NCBP3: variants seen among roughly 807,000 people sequenced by gnomAD.
NCBP3 encodes nuclear cap binding subunit 3.
NCBP3 carries 20 observed loss-of-function variants against 75.7 expected under a neutral mutation model. The observed-to-expected ratio is 0.26, with a 90% CI of 0.19 to 0.38. The LOEUF (loss-of-function observed/expected upper bound fraction) is 0.38, where lower values mean the gene tolerates loss of function less well. Ranked by LOEUF, NCBP3 falls within the 10% of genes least tolerant of loss-of-function variation. NCBP3 has a pLI of 1.00. For synonymous variants in NCBP3, 293 were observed against 290.5 expected (o/e 1.01, Z -0.09); for missense variants, 678 against 796.9 (o/e 0.85, Z 1.80).
chr17:3,846,107 G>C lies in NCBP3; in HGVS notation c.117C>G (p.Pro39=). The C allele has an allele frequency of 6.5e-7, 1 of 1,548,776 alleles. No individual in the cohort carries two copies. The highest frequency in any genetic ancestry group is 1.2e-5 in the South Asian group (1 of 84,016). ...ESGVDRGEPE[P]MEVEEGELEI... is the part of the protein sequence containing the mutation. ...CCAGCTCGCCCTCCTCCACCTCCAT[G>C]GGCTCCGGCTCGCCACGGTCAACAC... Residue 39 remains proline, a synonymous_variant, in exon 1 of 13, where the codon CCC becomes CCG. Coordinates refer to ENST00000389005, the MANE Select transcript of NCBP3 (RefSeq NM_001114118.3). This position sits in a 1 kb window ranked among gnomAD's most constrained non-coding sequence, Gnocchi z 4.6.
chr17:3,810,496 C>T lies in NCBP3; in HGVS notation c.*2548G>A, dbSNP rs2053392320. 1.3e-5 allele frequency: 2 copies of T among 152,210 alleles called. No homozygotes were observed. Among genetic ancestry groups the T allele is most frequent in the Non-Finnish European group, 2.9e-5 (2 of 68,044 alleles). 9.4% of individuals were successfully genotyped at this position (152,210 alleles called of 1,614,324 possible). On this transcript the variant is annotated 3_prime_UTR_variant, in exon 13 of 13. Coordinates refer to ENST00000389005, the MANE Select transcript of NCBP3 (RefSeq NM_001114118.3). ...ACACACAAAGTGTGCAGCCCTGTGCCCACATGTGTGGGGAGTGTCCAGGGT... is the reference window on the plus strand; with the variant it reads ...ACACACAAAGTGTGCAGCCCTGTGCTCACATGTGTGGGGAGTGTCCAGGGT...
rs1293083800 is a variant in NCBP3, at chr17:3,832,485, G to T, written c.356-3117C>A. 3.4e-5 allele frequency among the ~76,000 whole-genome samples: 4 copies of T among 118,172 alleles called. 2 individuals are homozygous for T. The highest frequency in any genetic ancestry group is 8.1e-5 in the Non-Finnish European group (4 of 49,138). 77.5% of individuals were successfully genotyped at this position (118,172 alleles called of 152,430 possible). ...CTCTACTAAAAATACAAAACAATTA[G>T]CCAGGTGTGGTGGCAGGCACCTGTA... On this transcript the variant is annotated intron_variant, in intron 3 of 12. Coordinates refer to ENST00000389005, the MANE Select transcript of NCBP3 (RefSeq NM_001114118.3).
At position 3,812,055 on chromosome 17, in the gene NCBP3, T is replaced by C. The variant is rs1281777162; in HGVS notation, c.*989A>G. On this transcript the variant is annotated 3_prime_UTR_variant, in exon 13 of 13. Transcript: ENST00000389005. ...CAGATGGATGGATTTTTTTTCCTAC[T>C]GGAGCCAAAAAACAAGCTGAACTCT... The C allele has an allele frequency of 1.3e-5, 2 of 152,104 alleles. No individual in the cohort carries two copies. Among genetic ancestry groups the C allele is most frequent in the East Asian group, 3.8e-4 (2 of 5,196 alleles). The allele number at this position is 152,104 out of a possible 1,614,324, so 9.4% of individuals were successfully genotyped here. A position where few individuals can be genotyped will look rare whatever the true frequency, so the allele number is the denominator to read the frequency against.
At position 3,834,680 on chromosome 17, in the gene NCBP3, C is replaced by T. The variant is rs1183297170; in HGVS notation, c.356-5312G>A. On this transcript the variant is annotated intron_variant, in intron 3 of 12. Coordinates refer to ENST00000389005, the MANE Select transcript of NCBP3 (RefSeq NM_001114118.3). ...ATCCCAGTACTTTGGGAAGCTAAGG[C>T]GGGAGGATCACTTGAATCCAGAAGT... Among the ~76,000 whole-genome samples the T allele has an allele frequency of 5.9e-5, 9 of 152,068 alleles. No individual in the cohort carries two copies. The East Asian group carries it at 7.7e-4, about 13-fold the overall frequency.
At chr17:3,832,011 C>T (rs1469758354) in intron 3 of NCBP3, among the ~76,000 whole-genome samples, 1 of 119,126 alleles carries the variant, frequency 8.4e-6, no homozygotes, top group Non-Finnish European at 2.0e-5. Flanking sequence ...TGATGAAACC[C>T]TGTCTCTACT....
intron 3 of NCBP3, among the ~76,000 whole-genome samples, chr17:3,837,497 A>T (rs1044604541): frequency 2.0e-5 from 3 of 150,472 alleles, no homozygotes; most frequent in Non-Finnish European, 3.0e-5. Context: ...AGGAAAAAAA[A>T]AATGCTGGGC....
intron 12 of NCBP3, among the ~76,000 whole-genome samples, 155 bp from the exon 13 acceptor site, chr17:3,813,434 C>T (rs888568548): frequency 6.6e-6 from 1 of 152,238 alleles, no homozygotes; most frequent in Non-Finnish European, 1.5e-5. Flanking sequence ...GGCAAAATCT[C>T]ATTTCCCGGG....
At chr17:3,824,555 C>G (rs2053748402) in intron 7 of NCBP3, 1 of 163,356 alleles carries the variant, frequency 6.1e-6, no homozygotes. Context: ...CAAAAGTCAC[C>G]ATGTGTAAAC....
intron 11 of NCBP3, among the ~76,000 whole-genome samples, 171 bp downstream of exon 11, chr17:3,815,945 G>C (rs565976773): frequency 6.6e-6 from 1 of 152,274 alleles, no homozygotes; most frequent in East Asian, 1.9e-4. Flanking sequence ...TCAGAAGTCT[G>C]ATTATTTTTC....
intron 11 of NCBP3, among the ~76,000 whole-genome samples, chr17:3,815,561 C>A (rs2053514486): frequency 6.6e-6 from 1 of 152,206 alleles, no homozygotes. Flanking sequence ...ATACCAGTGT[C>A]ATACAGAGGA....
At chr17:3,825,300 T>C (rs2053763993) in intron 6 of NCBP3, among the ~76,000 whole-genome samples, 1 of 152,180 alleles carries the variant, frequency 6.6e-6, no homozygotes, top group Non-Finnish European at 1.5e-5. Flanking sequence ...GAGATATCTG[T>C]GCATCAGTGT....
rs1567588356 is a variant in NCBP3, at chr17:3,825,815, A to G, written c.639T>C (p.Asp213=). Residue 213 remains aspartate (D), a synonymous_variant, in exon 6 of 13, where the codon GAT becomes GAC. Transcript: ENST00000389005. ...CTTCAACCTCTCCTTCTTCAGCTTC[A>G]TCATCATCTGAACTGTCTTCCTGCT... ...KDKQEDSSDD[D]EAEEGEVEDE... 6.4e-7 allele frequency: 1 copy of G among 1,551,434 alleles called. No homozygotes were observed.
At chr17:3,816,074 G>A (rs547671930) in intron 11 of NCBP3, 42 bp downstream of exon 11, 40 of 1,585,182 alleles carry the variant, frequency 2.5e-5, no homozygotes, top group East Asian at 9.1e-5. Flanking sequence ...TCTGCTTTCC[G>A]GAGCTCAGAA....
At position 3,819,492 on chromosome 17, in the gene NCBP3, G is replaced by A. The variant is rs572678119; in HGVS notation, c.1001-920C>T. Among the ~76,000 whole-genome samples the A allele has an allele frequency of 4.0e-5, 6 of 151,786 alleles. No individual in the cohort carries two copies. The East Asian group carries it at 1.2e-3, about 29-fold the overall frequency. On this transcript the variant is annotated intron_variant, in intron 9 of 12. Transcript: ENST00000389005. Reference sequence around the variant, plus strand: ...GGAGAATGGCGTGAACCCGGGAGGCGGAGGTTGCAGTGAGCCGAGATCGCG... The same window carrying A: ...GGAGAATGGCGTGAACCCGGGAGGCAGAGGTTGCAGTGAGCCGAGATCGCG...
rs2053333955 is a variant in NCBP3 at position 3,806,110 on chromosome 17, GCT to G, written c.*6932_*6933del. The G allele has an allele frequency of 6.8e-6, 1 of 147,574 alleles. No homozygotes were observed. The highest frequency in any genetic ancestry group is 2.2e-4 in the South Asian group (1 of 4,636). The allele number at this position is 147,574 out of a possible 1,614,324, so 9.1% of individuals were successfully genotyped here. A position where few individuals can be genotyped will look rare whatever the true frequency, so the allele number is the denominator to read the frequency against. On this transcript the variant is annotated 3_prime_UTR_variant, in exon 13 of 13. Coordinates refer to ENST00000389005, the MANE Select transcript of NCBP3 (RefSeq NM_001114118.3). ...TCTTTTTTTTTTGAGACGGAGTCTC[GCT>G]CTGTCGCCCAGGCTGGAGCGCAGTG... is the stretch of plus-strand genomic sequence containing the variant.
At position 3,818,661 on chromosome 17, in the gene NCBP3, G is replaced by A; in HGVS notation, c.1001-89C>T. ...TCTACATCGGTGACCTTTTTAAAAG[G>A]TGGGGTTCCCATCCCTGACATTTTA... On this transcript the variant is annotated intron_variant, in intron 9 of 12. Coordinates refer to ENST00000389005, the MANE Select transcript of NCBP3 (RefSeq NM_001114118.3). The surrounding 1 kb of genome is among the most constrained non-coding windows in gnomAD (Gnocchi z 4.7). The A allele has an allele frequency of 7.0e-7, 1 of 1,427,370 alleles. No homozygotes were observed. Among genetic ancestry groups the A allele is most frequent in the Non-Finnish European group, 9.4e-7 (1 of 1,065,594 alleles). 88.4% of individuals were successfully genotyped at this position (1,427,370 alleles called of 1,614,324 possible).
At chr17:3,842,390 A>C (rs545376570) in intron 2 of NCBP3, among the ~76,000 whole-genome samples, 1 of 152,152 alleles carries the variant, frequency 6.6e-6, no homozygotes, top group Non-Finnish European at 1.5e-5. Flanking sequence ...GCACCACTGC[A>C]CTCCAGCCTG....
intron 3 of NCBP3, among the ~76,000 whole-genome samples, chr17:3,833,805 T>G (rs912824554): frequency 6.6e-6 from 1 of 152,218 alleles, no homozygotes; most frequent in African/African-American, 2.4e-5. Flanking sequence ...TTTTTTGGTC[T>G]TTGTTTTCTA....
intron 9 of NCBP3, among the ~76,000 whole-genome samples, chr17:3,820,879 G>T (rs964641085): frequency 6.6e-6 from 1 of 151,090 alleles, no homozygotes; most frequent in Non-Finnish European, 1.5e-5. Context: ...GCAGTGAGCC[G>T]AGATCAAGCA....
Sources: gnomAD v4.1 joint callset for allele counts (sites outside exome capture counted in the v4.1 genomes callset) on GRCh38, gnomAD v4.1.1 for gene constraint, Gnocchi (gnomAD v3.1) non-coding constraint, MANE v1.5 for transcripts, NCBI Gene and HGNC (gene_info 2026-07-23, HGNC 2026-07-21) for gene names.